CROCC: variants seen among roughly 807,000 people sequenced by gnomAD.
The protein encoded by CROCC is rootletin.
In CROCC, 180 loss-of-function variants were observed where a neutral mutation model predicts 245.2. That is an observed-to-expected ratio of 0.73 (90% CI 0.65 to 0.83). CROCC has a LOEUF of 0.83. CROCC is among the 40% of genes least tolerant of loss of function. CROCC has a pLI of 0.00. For synonymous variants in CROCC, 1,205 were observed against 1,241.6 expected (o/e 0.97, Z 0.62); for missense variants, 2,688 against 2,779.4 (o/e 0.97, Z 0.74).
chr1:16,931,329 G>C lies in CROCC; in HGVS notation c.888G>C (p.Leu296=). 1 of 1,612,728 alleles carries C rather than the reference G, an allele frequency of 6.2e-7. No individual in the cohort carries two copies. ...NAYFSNEHSR[L]LLLWRQVVGF... is the part of the protein sequence containing the mutation. The stretch of plus-strand genomic sequence containing the variant: ...ACTTCAGCAACGAGCACAGTCGCCT[G>C]CTCCTCCTCTGGAGGCAGGTGGTGG... The change falls in exon 8 of 37, where the codon CTG becomes CTC. Residue 296 remains leucine, a synonymous_variant. Transcript: ENST00000375541.
At chr1:16,914,134 G>A (rs1281280017) in intron 1 of CROCC, among the ~76,000 whole-genome samples, 1 of 98,052 alleles carries the variant, frequency 1.0e-5, no homozygotes, top group East Asian at 1.0e-3. Flanking sequence ...GAAGGCGCGC[G>A]AAGGTAGGTG....
intron 23 of CROCC, 86 bp from the exon 24 acceptor site, chr1:16,955,226 C>T (rs1557627595): frequency 7.4e-7 from 1 of 1,355,116 alleles, no homozygotes; most frequent in East Asian, 2.3e-5. Context: ...GGGCAGGCTC[C>T]CTGGGTCCAG....
intron 9 of CROCC, 152 bp downstream of exon 9, chr1:16,937,025 T>A (rs1259832241): frequency 1.2e-6 from 1 of 860,454 alleles, no homozygotes; most frequent in African/African-American, 1.7e-5. Flanking sequence ...CGAAGGCACT[T>A]GCCCAGTGTT....
At chr1:16,922,117 G>T (rs1247622429) in intron 1 of CROCC, 39 bp downstream of exon 1, 7 of 1,505,224 alleles carry the variant, frequency 4.7e-6, no homozygotes, top group African/African-American at 1.4e-5. Flanking sequence ...TCTGGGGCGG[G>T]GCAGCGTGGA....
chr1:16,932,199 T>C (rs2075692546), intron 8 of CROCC, among the ~76,000 whole-genome samples: 1 of 152,262 alleles, frequency 6.6e-6, no homozygotes, highest in Non-Finnish European at 1.5e-5. Context: ...ATCCCAGCAC[T>C]TGAGGAGGCC....
At chr1:16,936,567 C>T in intron 8 of CROCC, 70 bp from the exon 9 acceptor site, 2 of 1,438,616 alleles carry the variant, frequency 1.4e-6, no homozygotes, top group Non-Finnish European at 9.3e-7. Flanking sequence ...CCACGCCCTG[C>T]CCAAGCATAG....
At chr1:16,946,467 A>G (rs2076049265) in intron 16 of CROCC, 62 bp downstream of exon 16, 2 of 1,577,740 alleles carry the variant, frequency 1.3e-6, no homozygotes, top group Non-Finnish European at 1.7e-6. Context: ...TCAGTGAGGC[A>G]CCCCGGGCCC....
At position 16,970,260 on chromosome 1, in the gene CROCC, G is replaced by C. The variant is rs199552090; in HGVS notation, c.5459G>C (p.Arg1820Pro). 2.6e-6 allele frequency: 4 copies of C among 1,554,976 alleles called. No individual in the cohort carries two copies. Among genetic ancestry groups the C allele is most frequent in the Non-Finnish European group, 3.5e-6 (4 of 1,145,930 alleles). ...GCCTGGCTTCTGTTGCAGGTGCTGC[G>C]GCAGCGGCAGGAGGGTGAGGCTGCA... ...GQLQQLREVL[R>P]QRQEGEAAAL... Residue 1820 changes from arginine to proline, a missense_variant, in exon 34 of 37, where the codon CGG becomes CCG. Arg to Pro is a moderately radical substitution (Grantham distance 103). Coordinates refer to ENST00000375541, the MANE Select transcript of CROCC (RefSeq NM_014675.5).
chr1:16,941,424 C>CA (rs954884941), intron 13 of CROCC: 17 of 150,258 alleles, frequency 1.1e-4, no homozygotes, highest in East Asian at 1.9e-4. Flanking sequence ...GACTCCATCT[C>CA]AAAAAAAAAA....
In CROCC at chr1:16,955,466, A is replaced by G; in HGVS notation, c.3620A>G (p.Glu1207Gly). ...EAGELRRSLGEGAKEREALRR... is the reference protein window; with the variant it reads ...EAGELRRSLGGGAKEREALRR... ...GGCGAGCTGCGACGCAGCCTGGGCG[A>G]GGGTGCCAAGGAGCGCGAGGCCCTG... The change falls in exon 24 of 37, where the codon GAG becomes GGG. Residue 1207 changes from glutamate to glycine, a missense_variant. Physicochemically the swap from Glu to Gly is moderately conservative, Grantham distance 98. Coordinates refer to ENST00000375541, the MANE Select transcript of CROCC (RefSeq NM_014675.5). 6.3e-7 allele frequency: 1 copy of G among 1,590,584 alleles called. No homozygotes were observed. The highest frequency in any genetic ancestry group is 2.3e-5 in the East Asian group (1 of 44,078).
Position 16,946,363 on chromosome 1 carries a change from C to G in CROCC, c.2241C>G (p.Ser747Arg). The G allele has an allele frequency of 6.2e-7, 1 of 1,613,204 alleles. No homozygotes were observed. The highest frequency in any genetic ancestry group is 8.5e-7 in the Non-Finnish European group (1 of 1,180,008). ...SLSKLSALNE[S>R]LAQDKLDLNR... ...CCAAGCTGAGCGCCCTCAACGAGAG[C>G]CTTGCTCAGGACAAGTTGGATCTGA... The change falls in exon 16 of 37, where the codon AGC (serine) becomes AGG (arginine). Residue 747 changes from serine to arginine, a missense_variant. Ser to Arg is a moderately radical substitution (Grantham distance 110). Coordinates refer to ENST00000375541, the MANE Select transcript of CROCC (RefSeq NM_014675.5).
In CROCC at chr1:16,971,613, C is replaced by T; in HGVS notation, c.5933C>T (p.Ala1978Val). ...TERTLEARER[A>V]HRQRVRGLEE... ...CGCACCCTGGAGGCTCGGGAGCGGGCCCACCGCCAGAGGGTGCGTGGGCTG... is the reference window on the plus strand; with the variant it reads ...CGCACCCTGGAGGCTCGGGAGCGGGTCCACCGCCAGAGGGTGCGTGGGCTG... Residue 1978 changes from alanine to valine, a missense_variant, in exon 36 of 37, where the codon GCC becomes GTC. Physicochemically the swap from Ala to Val is moderately conservative, Grantham distance 64. Transcript: ENST00000375541. The T allele has an allele frequency of 1.3e-6, 2 of 1,516,468 alleles. No homozygotes were observed. The highest frequency in any genetic ancestry group is 1.4e-5 in the African/African-American group (1 of 72,524). The allele number at this position is 1,516,468 out of a possible 1,614,324, so 93.9% of individuals were successfully genotyped here.
chr1:16,965,739 C>T lies in CROCC; in HGVS notation c.4422C>T (p.Leu1474=), dbSNP rs373265072. The change falls in exon 28 of 37, where the codon CTC becomes CTT. Residue 1474 remains leucine, a synonymous_variant. Coordinates refer to ENST00000375541, the MANE Select transcript of CROCC (RefSeq NM_014675.5). ...CTCTTCTAGGAAGCGGGGAAGGGCT[C>T]AACAGCCCCAGCACCTTAGAATGCA... is the stretch of plus-strand genomic sequence containing the variant. ...DAPAEGSGEG[L]NSPSTLECSP... 48 of 1,611,392 alleles carry T rather than the reference C, an allele frequency of 3.0e-5. No homozygotes were observed. In the African/African-American group the frequency reaches 5.9e-4, roughly 20 times the overall value.
chr1:16,931,210 A>T, intron 7 of CROCC, 81 bp from the exon 8 acceptor site: 1 of 1,250,522 alleles, frequency 8.0e-7, no homozygotes, highest in Non-Finnish European at 1.2e-6. Flanking sequence ...GCCTCCCAGG[A>T]TGGTCGGAGA....
intron 26 of CROCC, 68 bp from the exon 27 acceptor site, chr1:16,960,690 G>A: frequency 7.1e-7 from 1 of 1,407,540 alleles, no homozygotes; most frequent in Non-Finnish European, 9.3e-7. Flanking sequence ...GCTCCAGTCT[G>A]GGCCTTAGGG....
Position 16,960,760 on chromosome 1 carries a change from C to T in CROCC, c.4035C>T (p.Leu1345=), listed in dbSNP as rs1244408415. 6.5e-7 allele frequency: 1 copy of T among 1,527,004 alleles called. No individual in the cohort carries two copies. The highest frequency in any genetic ancestry group is 8.7e-7 in the Non-Finnish European group (1 of 1,143,362). 94.6% of individuals were successfully genotyped at this position (1,527,004 alleles called of 1,614,324 possible). Reference sequence around the variant, plus strand: ...TCCACCTCCTGGCATCACTCCAGCTCCAGGTAGCCCAGCGGAAGCTGCAGG... The same window carrying T: ...TCCACCTCCTGGCATCACTCCAGCTTCAGGTAGCCCAGCGGAAGCTGCAGG... ...EASLEVMRQE[L]QVAQRKLQEQ... The change falls in exon 27 of 37, where the codon CTC becomes CTT. Residue 1345 remains leucine, a splice_region_variant and synonymous_variant. Transcript: ENST00000375541.
intron 3 of CROCC, among the ~76,000 whole-genome samples, chr1:16,928,570 G>C (rs540244465): frequency 9.2e-5 from 14 of 152,072 alleles, no homozygotes; most frequent in Non-Finnish European, 2.1e-4. Context: ...TTGGGAGGCC[G>C]AGGCGGGTGG....
rs564408890 is a variant in CROCC at position 16,946,782 on chromosome 1, C to T, written c.2305C>T (p.Leu769=). 7 of 1,551,790 alleles carry T rather than the reference C, an allele frequency of 4.5e-6. No homozygotes were observed. In the African/African-American group the frequency reaches 6.8e-5, roughly 15 times the overall value. Residue 769 remains leucine (L), a synonymous_variant, in exon 17 of 37, where the codon CTG becomes TTG. Coordinates refer to ENST00000375541, the MANE Select transcript of CROCC (RefSeq NM_014675.5). ...VAQLEEEKSA[L]QGRQRQAEQE... ...CCAGCTGGAGGAAGAAAAGTCCGCCCTGCAGGGCCGGCAACGGCAGGCAGA... is the reference window on the plus strand; with the variant it reads ...CCAGCTGGAGGAAGAAAAGTCCGCCTTGCAGGGCCGGCAACGGCAGGCAGA...
Position 16,944,253 on chromosome 1 carries a change from C to G in CROCC, c.1962C>G (p.Gly654=). 6.5e-7 allele frequency: 1 copy of G among 1,547,810 alleles called. No individual in the cohort carries two copies. Among genetic ancestry groups the G allele is most frequent in the South Asian group, 1.2e-5 (1 of 83,764 alleles). ...AGCAGGAGGACGCAGTGCAGGATGG[C>G]GCGCGGGTGCGCCGGGAGCTTGAGC... The part of the protein sequence containing the change: ...EEEQEDAVQD[G]ARVRRELERS... The change falls in exon 14 of 37, where the codon GGC becomes GGG. Residue 654 remains glycine (G), a synonymous_variant. Coordinates refer to ENST00000375541, the MANE Select transcript of CROCC (RefSeq NM_014675.5).
Sources: allele counts gnomAD v4.1 joint callset (sites outside exome capture counted in the v4.1 genomes callset), GRCh38; gene constraint gnomAD v4.1.1; transcripts MANE v1.5; gene names NCBI Gene and HGNC (gene_info 2026-07-23, HGNC 2026-07-21).